The following DNAAF10 variants were observed in gnomAD, a reference collection of about 807,000 sequenced individuals.
The protein encoded by DNAAF10 is dynein axonemal assembly factor 10.
Under a neutral mutation model 43.7 loss-of-function variants are expected in DNAAF10, and 28 were observed. The ratio of observed to expected loss-of-function variants is 0.64; its 90% confidence interval spans 0.48 to 0.88. The LOEUF (loss-of-function observed/expected upper bound fraction) is 0.88. DNAAF10 is among the 40% of genes least tolerant of loss of function. DNAAF10 has a pLI of 0.00. For missense variants in DNAAF10, 403 were observed against 439.1 expected (o/e 0.92, Z 0.73); for synonymous variants, 156 against 157.3 (o/e 0.99, Z 0.06).
At chr2:68,146,177 A>T (rs1186030139) in intron 2 of DNAAF10, among the ~76,000 whole-genome samples, 4 of 152,092 alleles carry the variant, frequency 2.6e-5, no homozygotes, top group Admixed American at 1.3e-4. Flanking sequence ...CAGGAGAATC[A>T]CTTGAAACCG....
intron 1 of DNAAF10, chr2:68,157,022 CT>C (rs1431847223): frequency 1.7e-6 from 1 of 595,352 alleles, no homozygotes; most frequent in East Asian, 3.0e-5. Flanking sequence ...CTGGTGCCCG[CT>C]TTGGCTGGAC....
chr2:68,131,438 G>C lies in DNAAF10; in HGVS notation c.874C>G (p.Pro292Ala). The change falls in exon 8 of 8, where the codon CCT becomes GCT. Residue 292 changes from proline (P) to alanine (A), a missense_variant. Coordinates refer to ENST00000295121, the MANE Select transcript of DNAAF10 (RefSeq NM_138458.4). ...GAATCTTTCTTTGACCGCTGAATAG[G>C]GTATTCACTGAAAACAAGATCAAAA... ...GGLHLWKYEY[P>A]IQRSKKDSEG... is the part of the protein sequence containing the mutation. 1 of 1,613,474 alleles carries C rather than the reference G, an allele frequency of 6.2e-7. No homozygotes were observed. The highest frequency in any genetic ancestry group is 1.1e-5 in the South Asian group (1 of 91,068).
At chr2:68,138,931 GAAAC>G in intron 4 of DNAAF10, 74 bp from the exon 5 acceptor site, 1 of 1,025,452 alleles carries the variant, frequency 9.8e-7, no homozygotes, top group Non-Finnish European at 1.5e-6. Flanking sequence ...AAAGTCTTAT[GAAAC>G]TAACATAAAA....
intron 7 of DNAAF10, among the ~76,000 whole-genome samples, chr2:68,133,196 T>A (rs564313577): frequency 6.6e-6 from 1 of 152,266 alleles, no homozygotes; most frequent in South Asian, 2.1e-4. Flanking sequence ...TTCCTCTGCT[T>A]TTCACTCAGA....
At chr2:68,139,915 T>C (rs1194678229) in intron 4 of DNAAF10, among the ~76,000 whole-genome samples, 2 of 152,232 alleles carry the variant, frequency 1.3e-5, no homozygotes, top group African/African-American at 4.8e-5. Flanking sequence ...TATACCTCTA[T>C]TGCTTTCTTG....
chr2:68,150,687 C>T (rs1057423887), intron 1 of DNAAF10, among the ~76,000 whole-genome samples: 3 of 152,068 alleles, frequency 2.0e-5, no homozygotes, highest in African/African-American at 4.8e-5. Flanking sequence ...GAGCCAAGAT[C>T]ACACCACCGC....
intron 7 of DNAAF10, among the ~76,000 whole-genome samples, chr2:68,133,548 T>C (rs1179520824): frequency 6.6e-6 from 1 of 151,814 alleles, no homozygotes; most frequent in South Asian, 2.1e-4. Context: ...AGGTCAGGAG[T>C]TCGAGATCAG....
intron 4 of DNAAF10, among the ~76,000 whole-genome samples, chr2:68,140,769 C>A (rs779468157): frequency 2.6e-5 from 4 of 152,174 alleles, no homozygotes; most frequent in Admixed American, 6.5e-5. Context: ...TCTCTTCTAC[C>A]GTTGGCCCTC....
chr2:68,148,623 T>C (rs1372592562), intron 1 of DNAAF10, among the ~76,000 whole-genome samples: 1 of 152,104 alleles, frequency 6.6e-6, no homozygotes, highest in East Asian at 1.9e-4. Flanking sequence ...GCTCCCGAGA[T>C]CTCCGGAATC....
rs1673108663 is a variant in DNAAF10 at position 68,138,862 on chromosome 2, A to T, written c.518-5T>A. ...CTTCTTGATTATAAGCATTGCCTGG[A>T]AATCAAGATACAACATTTCACATCC... On this transcript the variant is annotated splice_polypyrimidine_tract_variant and splice_region_variant and intron_variant, in intron 4 of 7. Coordinates refer to ENST00000295121, the MANE Select transcript of DNAAF10 (RefSeq NM_138458.4). 6.3e-7 allele frequency: 1 copy of T among 1,597,628 alleles called. No individual in the cohort carries two copies. Among genetic ancestry groups the T allele is most frequent in the South Asian group, 1.1e-5 (1 of 90,596 alleles).
intron 1 of DNAAF10, among the ~76,000 whole-genome samples, chr2:68,155,489 G>A (rs1414876562): frequency 6.7e-5 from 10 of 148,910 alleles, no homozygotes; most frequent in Admixed American, 2.0e-4. Context: ...GCCAGACTCC[G>A]TCTCAAAAAA....
At chr2:68,136,346 T>C (rs1673044124) in intron 6 of DNAAF10, among the ~76,000 whole-genome samples, 1 of 152,192 alleles carries the variant, frequency 6.6e-6, no homozygotes, top group South Asian at 2.1e-4. Flanking sequence ...ATTTATGTTG[T>C]TGATAGATAC....
chr2:68,147,133 T>C (rs1366732884), intron 2 of DNAAF10, among the ~76,000 whole-genome samples: 7 of 152,306 alleles, frequency 4.6e-5, no homozygotes, highest in African/African-American at 1.4e-4. Context: ...GTTATTCATA[T>C]GCATTTTTAT....
intron 3 of DNAAF10, among the ~76,000 whole-genome samples, chr2:68,144,105 G>A (rs912153755): frequency 1.3e-5 from 2 of 152,150 alleles, no homozygotes; most frequent in Non-Finnish European, 2.9e-5. Context: ...GTTGGTCACT[G>A]CAGGGTGGAA....
At chr2:68,153,667 G>A (rs942512624) in intron 1 of DNAAF10, among the ~76,000 whole-genome samples, 2 of 151,622 alleles carry the variant, frequency 1.3e-5, no homozygotes, top group Non-Finnish European at 2.9e-5. Flanking sequence ...ACAGTAAGGA[G>A]TGGGAGTTAC....
At chr2:68,132,522 T>C (rs924973768) in intron 7 of DNAAF10, among the ~76,000 whole-genome samples, 1 of 152,196 alleles carries the variant, frequency 6.6e-6, no homozygotes, top group African/African-American at 2.4e-5. Context: ...ATATTATCTG[T>C]TGAAGTTTTA....
At chr2:68,144,810 G>C in intron 2 of DNAAF10, 95 bp from the exon 3 acceptor site, 1 of 1,434,518 alleles carries the variant, frequency 7.0e-7, no homozygotes, top group Non-Finnish European at 9.2e-7. Context: ...GATTTTTTCT[G>C]TATAGAAATT....
At chr2:68,139,429 A>G (rs1363373201) in intron 4 of DNAAF10, among the ~76,000 whole-genome samples, 1 of 152,102 alleles carries the variant, frequency 6.6e-6, no homozygotes, top group Non-Finnish European at 1.5e-5. Context: ...TTCTTTATAA[A>G]CTACCCAGTC....
chr2:68,146,776 A>C (rs1312307585), intron 2 of DNAAF10, among the ~76,000 whole-genome samples: 1 of 152,170 alleles, frequency 6.6e-6, no homozygotes, highest in East Asian at 1.9e-4. Context: ...GTCATGTTAG[A>C]AAACATGATG....
Sources: gnomAD v4.1 joint callset for allele counts (sites outside exome capture counted in the v4.1 genomes callset) on GRCh38, gnomAD v4.1.1 for gene constraint, MANE v1.5 for transcripts, NCBI Gene and HGNC (gene_info 2026-07-23, HGNC 2026-07-21) for gene names.